Variants in BCL2 observed in about 807,000 individuals in gnomAD.
The protein encoded by BCL2 is apoptosis regulator Bcl-2.
A neutral mutation model predicts 14.2 loss-of-function variants in BCL2; 1 was observed. That is an observed-to-expected ratio of 0.07 (90% CI 0.02 to 0.33). The LOEUF (loss-of-function observed/expected upper bound fraction) is 0.33, where lower values mean the gene tolerates loss of function less well. BCL2 is among the 10% of genes least tolerant of loss of function. The pLI is 0.99. For synonymous variants in BCL2, 151 were observed against 137.2 expected, an observed-to-expected ratio of 1.10 and a Z score of -0.70; for missense variants, 247 against 305.9, an observed-to-expected ratio of 0.81 and a Z score of 1.44.
chr18:63,248,935 C>T (rs1911227521), intron 2 of BCL2, among the ~76,000 whole-genome samples: 1 of 152,174 alleles, frequency 6.6e-6, no homozygotes, highest in Non-Finnish European at 1.5e-5. Context: ...GAGTATTTTC[C>T]ATGAAATACT....
chr18:63,178,751 T>G (rs1190993743), intron 2 of BCL2, among the ~76,000 whole-genome samples: 1 of 151,346 alleles, frequency 6.6e-6, no homozygotes, highest in Non-Finnish European at 1.5e-5. Context: ...TTAATCGGAG[T>G]AGAAAACAAA....
intron 2 of BCL2, among the ~76,000 whole-genome samples, chr18:63,266,637 T>TCTCTCTCTCTCTCACACACA (rs1491465885): frequency 1.8e-3 from 154 of 85,988 alleles, no homozygotes; most frequent in African/African-American, 5.1e-3. Context: ...TCTCTCTCTC[T>TCTCTCTCTCTCTCACACACA]CACACACACA....
At chr18:63,216,362 G>A (rs368998722) in intron 2 of BCL2, among the ~76,000 whole-genome samples, 95 of 142,928 alleles carry the variant, frequency 6.6e-4, no homozygotes, top group African/African-American at 2.4e-3. Flanking sequence ...AAGAAACAGC[G>A]AACACTGAAA....
intron 2 of BCL2, among the ~76,000 whole-genome samples, chr18:63,129,383 G>T (rs1480112456): frequency 6.6e-6 from 1 of 150,902 alleles, no homozygotes; most frequent in Non-Finnish European, 1.5e-5. Context: ...TCGAACTGTT[G>T]GACTCAAGAG....
chr18:63,126,175 C>A lies in BCL2; in HGVS notation c.*2450G>T, dbSNP rs1056484402. The A allele has an allele frequency of 1.4e-5, 3 of 214,810 alleles. No individual in the cohort carries two copies. The highest frequency in any genetic ancestry group is 6.8e-5 in the African/African-American group (3 of 44,234). 13.3% of individuals were successfully genotyped at this position (214,810 alleles called of 1,614,324 possible). The stretch of plus-strand genomic sequence containing the variant: ...TAATATTTTGCTTAAAAATTAGAAT[C>A]ATTCAAAGGTCTGATCATTCTGTTC... On this transcript the variant is annotated 3_prime_UTR_variant, in exon 3 of 3. Coordinates refer to ENST00000333681, the MANE Select transcript of BCL2 (RefSeq NM_000633.3).
intron 2 of BCL2, among the ~76,000 whole-genome samples, chr18:63,161,681 A>C (rs1914925029): frequency 6.6e-6 from 1 of 152,162 alleles, no homozygotes; most frequent in African/African-American, 2.4e-5. Flanking sequence ...TGTATCCTAA[A>C]TACCCCCAAG....
chr18:63,312,564 C>T (rs1051308821), intron 2 of BCL2, among the ~76,000 whole-genome samples: 1 of 152,164 alleles, frequency 6.6e-6, no homozygotes, highest in Non-Finnish European at 1.5e-5. Flanking sequence ...CAAAAAAGTC[C>T]GAAGGCAAAT....
intron 2 of BCL2, among the ~76,000 whole-genome samples, chr18:63,255,073 A>C (rs752698115): frequency 6.6e-6 from 1 of 152,252 alleles, no homozygotes; most frequent in Non-Finnish European, 1.5e-5. Flanking sequence ...AAGGGCATTT[A>C]GAAGAATCAA....
rs918439211 is a variant in BCL2 at position 63,297,606 on chromosome 18, T to G, written c.585+20476A>C. Among the ~76,000 whole-genome samples the G allele has an allele frequency of 9.8e-5, 15 of 152,306 alleles. 1 individual carries two copies. The highest frequency in any genetic ancestry group is 5.8e-4 in the East Asian group (3 of 5,184). ...TTAGTGACTAAATGCCCAATCAAGA[T>G]GTGTAGGATGAGTAAATGTTTGGAT... On this transcript the variant is annotated intron_variant, in intron 2 of 2. Transcript: ENST00000333681.
At chr18:63,269,437 T>A (rs1409611346) in intron 2 of BCL2, among the ~76,000 whole-genome samples, 1 of 152,030 alleles carries the variant, frequency 6.6e-6, no homozygotes, top group African/African-American at 2.4e-5. Context: ...CCTTTCTCTG[T>A]TGAGGGACGT....
chr18:63,304,053 A>G (rs1187129506), intron 2 of BCL2, among the ~76,000 whole-genome samples: 1 of 152,218 alleles, frequency 6.6e-6, no homozygotes, highest in Non-Finnish European at 1.5e-5. Flanking sequence ...AACTTGTAGT[A>G]CTGCTTGAAA....
chr18:63,233,004 C>A (rs532237941), intron 2 of BCL2, among the ~76,000 whole-genome samples: 16 of 152,206 alleles, frequency 1.1e-4, no homozygotes, highest in South Asian at 8.3e-4. Flanking sequence ...GGATGGAATC[C>A]CAGATCAAGG....
intron 2 of BCL2, among the ~76,000 whole-genome samples, chr18:63,148,130 CA>C (rs1187394888): frequency 1.3e-5 from 2 of 152,096 alleles, no homozygotes; most frequent in Non-Finnish European, 1.5e-5. Context: ...TCAGATAACT[CA>C]AAACTGGTTT....
intron 2 of BCL2, among the ~76,000 whole-genome samples, chr18:63,214,626 G>A (rs111865687): frequency 0.024 from 3,386 of 143,010 alleles, 121 homozygotes; most frequent in African/African-American, 0.082. Flanking sequence ...AAAACTGTCG[G>A]GTAATAAAAA....
At chr18:63,185,113 G>A (rs751997581) in intron 2 of BCL2, among the ~76,000 whole-genome samples, 4 of 152,214 alleles carry the variant, frequency 2.6e-5, no homozygotes, top group Non-Finnish European at 4.4e-5. Context: ...TGCTCTCACA[G>A]AACACAGGCT....
At chr18:63,144,834 C>T (rs1233226055) in intron 2 of BCL2, among the ~76,000 whole-genome samples, 3 of 152,128 alleles carry the variant, frequency 2.0e-5, no homozygotes, top group Non-Finnish European at 4.4e-5. Flanking sequence ...GACCCTGTGA[C>T]CATGGAGAAA....
At chr18:63,174,645 C>T (rs951276652) in intron 2 of BCL2, among the ~76,000 whole-genome samples, 2 of 151,944 alleles carry the variant, frequency 1.3e-5, no homozygotes, top group African/African-American at 4.8e-5. Context: ...CATGGTGAAA[C>T]CCCGTCTCTA....
chr18:63,253,308 C>G (rs560588843), intron 2 of BCL2, among the ~76,000 whole-genome samples: 7 of 152,248 alleles, frequency 4.6e-5, no homozygotes, highest in African/African-American at 1.7e-4. Context: ...ACTGCTCACA[C>G]CTGACACTAC....
At chr18:63,251,778 A>G (rs1265719748) in intron 2 of BCL2, among the ~76,000 whole-genome samples, 2 of 150,928 alleles carry the variant, frequency 1.3e-5, no homozygotes, top group East Asian at 3.9e-4. Context: ...GTCTCACTAC[A>G]AACTCCACCT....
Sources: allele counts gnomAD v4.1 joint callset (sites outside exome capture counted in the v4.1 genomes callset), GRCh38; gene constraint gnomAD v4.1.1; transcripts MANE v1.5; gene names NCBI Gene and HGNC (gene_info 2026-07-23, HGNC 2026-07-21).